VWA8: variants seen among roughly 807,000 people sequenced by gnomAD.
VWA8 encodes the protein von Willebrand factor A domain-containing protein 8.
In VWA8, 221 loss-of-function variants were observed where a neutral mutation model predicts 241.5. That is an observed-to-expected ratio of 0.91 (90% CI 0.82 to 1.02). The LOEUF (loss-of-function observed/expected upper bound fraction) is 1.02, where lower values mean the gene tolerates loss of function less well. Ranked by LOEUF, VWA8 falls within the 50% of genes least tolerant of loss-of-function variation. The pLI, the probability that VWA8 is intolerant of heterozygous loss-of-function variation, is 0.00. For synonymous variants in VWA8, 852 were observed against 827.1 expected (o/e 1.03, Z -0.52); for missense variants, 2,322 against 2,328.7 (o/e 1.00, Z 0.06).
chr13:41,800,425 A>ACAT (rs1869895962), intron 17 of VWA8, among the ~76,000 whole-genome samples: 1 of 152,070 alleles, frequency 6.6e-6, no homozygotes, highest in Non-Finnish European at 1.5e-5. Flanking sequence ...TATGGGGAGG[A>ACAT]CATCTAGCTC....
At chr13:41,743,230 A>T (rs2045581215) in intron 21 of VWA8, among the ~76,000 whole-genome samples, 1 of 152,220 alleles carries the variant, frequency 6.6e-6, no homozygotes, top group Admixed American at 6.5e-5. Flanking sequence ...TAGTAGAAAC[A>T]TGTAAGGCAT....
chr13:41,765,295 T>C lies in VWA8; in HGVS notation c.2350-4091A>G, dbSNP rs2045771981. Among the ~76,000 whole-genome samples, 4 of 152,320 alleles carry C rather than the reference T, an allele frequency of 2.6e-5. No individual in the cohort carries two copies. The South Asian group carries it at 8.3e-4, about 32-fold the overall frequency. On this transcript the variant is annotated intron_variant, in intron 20 of 44. Coordinates refer to ENST00000379310, the MANE Select transcript of VWA8 (RefSeq NM_015058.2). The stretch of plus-strand genomic sequence containing the variant: ...TTCACTGTCTCAACTCAAGGGTAGC[T>C]CATCCCCTCCCCAGACTACTGGAAA...
intron 12 of VWA8, among the ~76,000 whole-genome samples, chr13:41,864,059 T>C (rs1033072980): frequency 1.3e-5 from 2 of 151,418 alleles, no homozygotes; most frequent in African/African-American, 4.9e-5. Flanking sequence ...ATGAAAAAGA[T>C]GCTTAGCATC....
intron 21 of VWA8, among the ~76,000 whole-genome samples, chr13:41,735,658 T>G (rs2045519151): frequency 6.6e-6 from 1 of 152,136 alleles, no homozygotes; most frequent in Non-Finnish European, 1.5e-5. Flanking sequence ...ATATTTAACT[T>G]AAGAAATTAG....
chr13:41,580,661 T>A (rs4325448), intron 42 of VWA8, among the ~76,000 whole-genome samples: 2,016 of 152,080 alleles, frequency 0.013, 50 homozygotes, highest in African/African-American at 0.045. Context: ...TTTAAAAAAA[T>A]CAAATTGAAC....
At chr13:41,950,140 A>T (rs1238125984) in intron 1 of VWA8, 127 bp from the exon 2 acceptor site, 9 of 503,738 alleles carry the variant, frequency 1.8e-5, no homozygotes, top group Non-Finnish European at 3.2e-5. Context: ...GCTGTCTATA[A>T]GTCAAGCACT....
chr13:41,728,782 G>T (rs2045457717), intron 23 of VWA8, among the ~76,000 whole-genome samples: 1 of 151,958 alleles, frequency 6.6e-6, no homozygotes, highest in African/African-American at 2.4e-5. Flanking sequence ...CTGTGGTGAT[G>T]CACTTGTACC....
intron 37 of VWA8, 111 bp downstream of exon 37, chr13:41,670,835 A>G: frequency 8.3e-7 from 1 of 1,198,034 alleles, no homozygotes; most frequent in Non-Finnish European, 1.2e-6. Context: ...TTAGTTCTTT[A>G]AGCAACTATT....
intron 21 of VWA8, among the ~76,000 whole-genome samples, chr13:41,743,265 T>C (rs1309004947): frequency 6.6e-6 from 1 of 152,122 alleles, no homozygotes; most frequent in Non-Finnish European, 1.5e-5. Context: ...AGAGGCTGAG[T>C]TCTTAACCAG....
At chr13:41,888,926 A>T (rs1295715623) in intron 5 of VWA8, among the ~76,000 whole-genome samples, 2 of 152,342 alleles carry the variant, frequency 1.3e-5, no homozygotes, top group East Asian at 3.9e-4. Context: ...GAAAATCTGG[A>T]TCTAGCCCTG....
intron 30 of VWA8, 89 bp from the exon 31 acceptor site, chr13:41,692,027 GTTC>G (rs1219056103): frequency 3.8e-6 from 3 of 797,770 alleles, no homozygotes; most frequent in African/African-American, 3.5e-5. Flanking sequence ...ATAAAATAAA[GTTC>G]TTCAACTAGT....
In VWA8 at chr13:41,906,737, T is replaced by C. The variant is rs540684128; in HGVS notation, c.483+849A>G. On this transcript the variant is annotated intron_variant, in intron 4 of 44. Coordinates refer to ENST00000379310, the MANE Select transcript of VWA8 (RefSeq NM_015058.2). ...AACATAACTGTTGAGTCCAAATGCA[T>C]GTGTAATTTCTTTTCTTTTGATAAA... Among the ~76,000 whole-genome samples the C allele has an allele frequency of 1.7e-3, 254 of 152,288 alleles. 12 individuals are homozygous for C. The South Asian group carries it at 0.05, about 30-fold the overall frequency.
intron 4 of VWA8, among the ~76,000 whole-genome samples, chr13:41,905,733 A>G (rs1437324507): frequency 6.6e-6 from 1 of 152,018 alleles, no homozygotes; most frequent in East Asian, 1.9e-4. Context: ...TTAATGTTAA[A>G]CGTTTTTAGT....
At chr13:41,901,889 A>AAAAAAAATATATAT (rs1566500253) in intron 4 of VWA8, among the ~76,000 whole-genome samples, 1 of 83,332 alleles carries the variant, frequency 1.2e-5, no homozygotes, top group African/African-American at 5.0e-5. Context: ...AAAAAAAAAA[A>AAAAAAAATATATAT]ATATATATAT....
chr13:41,607,951 C>CTGTGTG (rs112942448), intron 39 of VWA8, among the ~76,000 whole-genome samples: 1 of 150,110 alleles, frequency 6.7e-6, no homozygotes, highest in East Asian at 1.9e-4. Flanking sequence ...TTCTAAACTA[C>CTGTGTG]TGTGTGTGTG....
intron 26 of VWA8, among the ~76,000 whole-genome samples, chr13:41,711,564 A>G (rs577411651): frequency 6.6e-6 from 1 of 152,312 alleles, no homozygotes; most frequent in Middle Eastern, 3.4e-3. Flanking sequence ...CATAGTACTA[A>G]GTAAAGGATT....
At chr13:41,895,804 T>C (rs931357231) in intron 4 of VWA8, among the ~76,000 whole-genome samples, 2 of 151,596 alleles carry the variant, frequency 1.3e-5, no homozygotes, top group African/African-American at 4.8e-5. Context: ...TTTAAGCCTC[T>C]TTTCATTTGT....
intron 37 of VWA8, among the ~76,000 whole-genome samples, chr13:41,619,454 C>A (rs573778793): frequency 1.3e-5 from 2 of 152,108 alleles, no homozygotes; most frequent in Non-Finnish European, 2.9e-5. Flanking sequence ...GATTGAATAC[C>A]CTTTATTTCC....
chr13:41,744,506 C>A lies in VWA8; in HGVS notation c.2427-12351G>T, dbSNP rs574299400. Among the ~76,000 whole-genome samples, 931 of 152,292 alleles carry A rather than the reference C, an allele frequency of 6.1e-3. 8 individuals are homozygous for A. Among genetic ancestry groups the A allele is most frequent in the African/African-American group, 0.021 (889 of 41,544 alleles). The stretch of plus-strand genomic sequence containing the variant: ...TACTACTAATTTAAGCCCCTCATCC[C>A]ATCCCTTTCTGCTCATTTGTCACTG... On this transcript the variant is annotated intron_variant, in intron 21 of 44. Transcript: ENST00000379310.
Sources: gnomAD v4.1 joint callset for allele counts (sites outside exome capture counted in the v4.1 genomes callset) on GRCh38, gnomAD v4.1.1 for gene constraint, MANE v1.5 for transcripts, NCBI Gene and HGNC (gene_info 2026-07-23, HGNC 2026-07-21) for gene names.